The following NSUN3 variants were observed in gnomAD, a reference collection of about 807,000 sequenced individuals.
NSUN3 encodes tRNA (cytosine(34)-C(5))-methyltransferase, mitochondrial.
NSUN3 carries 24 observed loss-of-function variants against 36.8 expected under a neutral mutation model. The observed-to-expected ratio is 0.65, with a 90% CI of 0.47 to 0.92. The LOEUF (loss-of-function observed/expected upper bound fraction) is 0.92. Among genes scored for constraint, NSUN3 ranks in the 40% least tolerant of loss-of-function variants. The pLI, the probability that NSUN3 is intolerant of heterozygous loss-of-function variation, is 0.00. For synonymous variants in NSUN3, 146 were observed against 145.2 expected, an observed-to-expected ratio of 1.01 and a Z score of -0.04; for missense variants, 381 against 392.8, an observed-to-expected ratio of 0.97 and a Z score of 0.25.
chr3:94,119,294 G>T (rs779984249), intron 5 of NSUN3, among the ~76,000 whole-genome samples: 5 of 152,164 alleles, frequency 3.3e-5, no homozygotes, highest in Non-Finnish European at 4.4e-5. Flanking sequence ...TAGAGTTGTT[G>T]TATGTTCTTG....
intron 2 of NSUN3, among the ~76,000 whole-genome samples, chr3:94,074,642 G>A (rs879518734): frequency 5.3e-5 from 8 of 152,120 alleles, no homozygotes; most frequent in Non-Finnish European, 1.2e-4. Context: ...TGTGATTTTT[G>A]CACATTGATT....
intron 5 of NSUN3, among the ~76,000 whole-genome samples, chr3:94,109,639 A>C (rs2077407842): frequency 6.6e-6 from 1 of 152,238 alleles, no homozygotes; most frequent in South Asian, 2.1e-4. Context: ...AGCGATCTGC[A>C]GAAAAGTTGG....
intron 5 of NSUN3, among the ~76,000 whole-genome samples, chr3:94,100,019 G>A (rs2077358636): frequency 1.3e-5 from 2 of 152,124 alleles, no homozygotes; most frequent in African/African-American, 2.4e-5. Flanking sequence ...AAACATTAAT[G>A]TGTATGAGTT....
At chr3:94,074,534 G>T (rs1015162888) in intron 2 of NSUN3, among the ~76,000 whole-genome samples, 1 of 152,148 alleles carries the variant, frequency 6.6e-6, no homozygotes, top group African/African-American at 2.4e-5. Flanking sequence ...CTTGTAAGTT[G>T]TATTCCCAGG....
chr3:94,111,718 C>G (rs2077418507), intron 5 of NSUN3, among the ~76,000 whole-genome samples: 1 of 152,044 alleles, frequency 6.6e-6, no homozygotes, highest in Non-Finnish European at 1.5e-5. Flanking sequence ...ACTGGAAGGT[C>G]TTCAGGGGAA....
intron 5 of NSUN3, among the ~76,000 whole-genome samples, chr3:94,112,210 A>G (rs2077420681): frequency 6.6e-6 from 1 of 152,164 alleles, no homozygotes; most frequent in Non-Finnish European, 1.5e-5. Flanking sequence ...TCATCTAAAA[A>G]CACCCTCACA....
intron 2 of NSUN3, among the ~76,000 whole-genome samples, chr3:94,070,951 A>G (rs1002511669): frequency 6.6e-6 from 1 of 152,238 alleles, no homozygotes; most frequent in African/African-American, 2.4e-5. Flanking sequence ...ATATAACTCC[A>G]AAAGAATTCA....
chr3:94,113,696 T>C (rs2077427959), intron 5 of NSUN3, among the ~76,000 whole-genome samples: 1 of 152,226 alleles, frequency 6.6e-6, no homozygotes, highest in Non-Finnish European at 1.5e-5. Context: ...AGGCTGTTTG[T>C]CTACTTATTT....
At chr3:94,122,037 CA>C (rs1425101442) in intron 5 of NSUN3, among the ~76,000 whole-genome samples, 1 of 151,224 alleles carries the variant, frequency 6.6e-6, no homozygotes, top group Non-Finnish European at 1.5e-5. Flanking sequence ...CCCAGCTACT[CA>C]GGAGGCTGAG....
Position 94,084,128 on chromosome 3 carries a change from A to G in NSUN3, c.144A>G (p.Ser48=). 6 of 1,613,652 alleles carry G rather than the reference A, an allele frequency of 3.7e-6. No homozygotes were observed. The highest frequency in any genetic ancestry group is 5.1e-6 in the Non-Finnish European group (6 of 1,179,690). Residue 48 remains serine, a synonymous_variant, in exon 3 of 6, where the codon TCA becomes TCG. Coordinates refer to ENST00000314622, the MANE Select transcript of NSUN3 (RefSeq NM_022072.5). ...CTAGGGAGATACTAACATCTCCATC[A>G]TGCTGGCAATATGCTGTCCTGCTTA... ...NTVREILTSP[S]CWQYAVLLNR...
At chr3:94,077,129 C>T in intron 2 of NSUN3, 2 of 752,558 alleles carry the variant, frequency 2.7e-6, no homozygotes, top group Non-Finnish European at 2.5e-6. Flanking sequence ...TTATGGATCA[C>T]TCATTCTTCC....
At chr3:94,112,261 A>T (rs1409187314) in intron 5 of NSUN3, among the ~76,000 whole-genome samples, 2 of 152,020 alleles carry the variant, frequency 1.3e-5, no homozygotes, top group South Asian at 4.1e-4. Flanking sequence ...TCTGAATATC[A>T]TGGTTCAGCC....
chr3:94,126,707 G>T lies in NSUN3; in HGVS notation c.*217G>T. 2.1e-6 allele frequency: 1 copy of T among 481,838 alleles called. No individual in the cohort carries two copies. Among genetic ancestry groups the T allele is most frequent in the Non-Finnish European group, 3.7e-6 (1 of 272,320 alleles). 29.8% of individuals were successfully genotyped at this position (481,838 alleles called of 1,614,324 possible). Reference sequence around the variant, plus strand: ...AACAATGATTTAAGGTGGTGCAGATGGTGTTTGTTCTATATTATAAATCTG... The same window carrying T: ...AACAATGATTTAAGGTGGTGCAGATTGTGTTTGTTCTATATTATAAATCTG... On this transcript the variant is annotated 3_prime_UTR_variant, in exon 6 of 6. Transcript: ENST00000314622.
chr3:94,094,563 T>C (rs915803027), intron 4 of NSUN3, among the ~76,000 whole-genome samples: 1 of 152,188 alleles, frequency 6.6e-6, no homozygotes, highest in Non-Finnish European at 1.5e-5. Context: ...CGGATATTAT[T>C]TGGGTCAGTA....
At chr3:94,077,242 G>T in intron 2 of NSUN3, 1 of 620,192 alleles carries the variant, frequency 1.6e-6, no homozygotes, top group South Asian at 1.8e-5. Flanking sequence ...GCTGCAGGCC[G>T]GATTGATTTG....
At chr3:94,068,754 C>T (rs561375155) in intron 2 of NSUN3, among the ~76,000 whole-genome samples, 29 of 146,882 alleles carry the variant, frequency 2.0e-4, no homozygotes, top group South Asian at 1.7e-3. Flanking sequence ...CCTCACTGAC[C>T]GAGAGTTCAC....
At chr3:94,113,482 G>T (rs1226442500) in intron 5 of NSUN3, among the ~76,000 whole-genome samples, 1 of 152,132 alleles carries the variant, frequency 6.6e-6, no homozygotes, top group South Asian at 2.1e-4. Context: ...GAAGGATAAA[G>T]TTCTAGGGCA....
At chr3:94,076,292 A>C (rs1417876581) in intron 2 of NSUN3, 10 of 879,608 alleles carry the variant, frequency 1.1e-5, no homozygotes, top group Non-Finnish European at 1.8e-5. Flanking sequence ...ACAAGGCAAC[A>C]GTCTTGTCAG....
rs181964621 is a variant in NSUN3 at position 94,094,297 on chromosome 3, A to G, written c.621+3A>G. On this transcript the variant is annotated splice_donor_region_variant and intron_variant, in intron 4 of 5. Transcript: ENST00000314622. ...CCCAGCCTGAAATGTTTGACAAGGTACTTTTATTACATTGTGACAAACTGA... is the reference window on the plus strand; with the variant it reads ...CCCAGCCTGAAATGTTTGACAAGGTGCTTTTATTACATTGTGACAAACTGA... 2.5e-3 allele frequency: 4,099 copies of G among 1,609,986 alleles called. 10 individuals carry two copies. Among genetic ancestry groups the G allele is most frequent in the Admixed American group, 3.9e-3 (232 of 58,992 alleles).
Sources: gnomAD v4.1 joint callset for allele counts (sites outside exome capture counted in the v4.1 genomes callset) on GRCh38, gnomAD v4.1.1 for gene constraint, MANE v1.5 for transcripts, NCBI Gene and HGNC (gene_info 2026-07-23, HGNC 2026-07-21) for gene names.